Variants in ERBB4 observed in about 807,000 individuals in gnomAD.
The protein encoded by ERBB4 is receptor tyrosine-protein kinase erbB-4.
Under a neutral mutation model 158.0 loss-of-function variants are expected in ERBB4, and 42 were observed. The ratio of observed to expected loss-of-function variants is 0.27; its 90% CI spans 0.21 to 0.34. ERBB4 has a LOEUF of 0.34. ERBB4 is among the 10% of genes least tolerant of loss of function. The pLI is 1.00. For synonymous variants in ERBB4, 583 were observed against 558.7 expected, an observed-to-expected ratio of 1.04 and a Z score of -0.61; for missense variants, 1,333 against 1,624.1, an observed-to-expected ratio of 0.82 and a Z score of 3.08.
chr2:211,572,602 G>C (rs1382604405), intron 19 of ERBB4, among the ~76,000 whole-genome samples: 1 of 152,092 alleles, frequency 6.6e-6, no homozygotes, highest in Non-Finnish European at 1.5e-5. Flanking sequence ...CCTTAGTGAG[G>C]GTCACAGCTG....
intron 12 of ERBB4, among the ~76,000 whole-genome samples, chr2:211,696,311 A>G (rs1350902118): frequency 6.6e-6 from 1 of 151,968 alleles, no homozygotes; most frequent in Non-Finnish European, 1.5e-5. Context: ...GGGTTTCACC[A>G]TATTGGCCAA....
At chr2:212,423,054 G>A (rs1162655880) in intron 1 of ERBB4, among the ~76,000 whole-genome samples, 1 of 152,018 alleles carries the variant, frequency 6.6e-6, no homozygotes, top group South Asian at 2.1e-4. Context: ...AATAACTTGA[G>A]TAAGAGGATA....
At chr2:211,746,006 T>A (rs1352982698) in intron 5 of ERBB4, among the ~76,000 whole-genome samples, 2 of 152,356 alleles carry the variant, frequency 1.3e-5, no homozygotes, top group African/African-American at 4.8e-5. Flanking sequence ...TCTGCTTATA[T>A]TTCCTCAATT....
At chr2:212,313,626 A>G (rs2087144194) in intron 1 of ERBB4, among the ~76,000 whole-genome samples, 1 of 151,036 alleles carries the variant, frequency 6.6e-6, no homozygotes, top group African/African-American at 2.4e-5. Context: ...CCATCTGTGT[A>G]GAAGCACAAT....
chr2:211,842,256 T>G (rs572068877), intron 3 of ERBB4, among the ~76,000 whole-genome samples: 6,929 of 146,962 alleles, frequency 0.047, 269 homozygotes, highest in Non-Finnish European at 0.069. Flanking sequence ...GGCTGTTGGG[T>G]TTTTTTTTGG....
intron 16 of ERBB4, among the ~76,000 whole-genome samples, chr2:211,644,512 C>T (rs988858369): frequency 2.0e-5 from 3 of 151,878 alleles, no homozygotes; most frequent in Non-Finnish European, 4.4e-5. Flanking sequence ...AATGCCAAGA[C>T]AACTTTATAC....
At chr2:211,400,859 T>C (rs1315746222) in intron 25 of ERBB4, among the ~76,000 whole-genome samples, 1 of 152,102 alleles carries the variant, frequency 6.6e-6, no homozygotes, top group Non-Finnish European at 1.5e-5. Flanking sequence ...TTATTAAACA[T>C]TGTATGCCTG....
chr2:211,668,558 T>G (rs1243197364), intron 14 of ERBB4, among the ~76,000 whole-genome samples: 1 of 152,220 alleles, frequency 6.6e-6, no homozygotes, highest in Non-Finnish European at 1.5e-5. Flanking sequence ...GACAGACAAC[T>G]AAAGGATAGG....
intron 3 of ERBB4, among the ~76,000 whole-genome samples, chr2:211,896,011 C>T (rs2079088415): frequency 6.6e-6 from 1 of 152,138 alleles, no homozygotes; most frequent in African/African-American, 2.4e-5. Flanking sequence ...TCCCACCTCT[C>T]TTCCCTACTG....
intron 20 of ERBB4, among the ~76,000 whole-genome samples, chr2:211,551,270 T>G (rs2067089308): frequency 6.6e-6 from 1 of 152,174 alleles, no homozygotes; most frequent in South Asian, 2.1e-4. Flanking sequence ...TGACAATTAA[T>G]CACACTATAT....
intron 25 of ERBB4, among the ~76,000 whole-genome samples, chr2:211,416,422 A>C (rs2063393589): frequency 6.6e-6 from 1 of 152,220 alleles, no homozygotes; most frequent in African/African-American, 2.4e-5. Flanking sequence ...AGAGAAAAGA[A>C]GGCCGCAATG....
At chr2:212,467,832 A>C (rs1338372990) in intron 1 of ERBB4, among the ~76,000 whole-genome samples, 3 of 152,236 alleles carry the variant, frequency 2.0e-5, no homozygotes, top group Non-Finnish European at 2.9e-5. Flanking sequence ...GAAAAACTGC[A>C]GATGCTCAAC....
At chr2:212,039,974 A>G (rs2077099385) in intron 2 of ERBB4, among the ~76,000 whole-genome samples, 1 of 152,122 alleles carries the variant, frequency 6.6e-6, no homozygotes, top group Admixed American at 6.6e-5. Context: ...ATTTATGTGG[A>G]AACTACATAA....
intron 20 of ERBB4, among the ~76,000 whole-genome samples, chr2:211,480,301 C>A (rs1023939367): frequency 4.6e-5 from 7 of 152,132 alleles, no homozygotes; most frequent in Non-Finnish European, 4.4e-5. Context: ...TCTGTCCACA[C>A]CCAAATCTCA....
At position 211,382,947 on chromosome 2, in the gene ERBB4, G is replaced by C. The variant is rs569229342; in HGVS notation, c.*668C>G. ...TAGGGGAGCAAATATAAAGGAATCG[G>C]TCAGAGCAAAACAAAATGAAAAAAA... On this transcript the variant is annotated 3_prime_UTR_variant, in exon 28 of 28. Coordinates refer to ENST00000342788, the MANE Select transcript of ERBB4 (RefSeq NM_005235.3). 104 of 232,376 alleles carry C rather than the reference G, an allele frequency of 4.5e-4. No individual in the cohort carries two copies. Among genetic ancestry groups the C allele is most frequent in the Non-Finnish European group, 8.0e-4 (94 of 117,720 alleles). The allele number at this position is 232,376 out of a possible 1,614,324, so 14.4% of individuals were successfully genotyped here.
chr2:212,453,466 A>G (rs1688109345), intron 1 of ERBB4, among the ~76,000 whole-genome samples: 1 of 152,216 alleles, frequency 6.6e-6, no homozygotes, highest in Non-Finnish European at 1.5e-5. Context: ...CACATGATCA[A>G]CATTGCACTT....
At chr2:212,252,850 T>G (rs1235448404) in intron 1 of ERBB4, among the ~76,000 whole-genome samples, 1 of 152,052 alleles carries the variant, frequency 6.6e-6, no homozygotes, top group African/African-American at 2.4e-5. Context: ...ACATATGTAT[T>G]GTAAAAATTA....
chr2:212,078,551 T>A (rs1015657679), intron 2 of ERBB4, among the ~76,000 whole-genome samples: 2 of 151,940 alleles, frequency 1.3e-5, no homozygotes, highest in Non-Finnish European at 1.5e-5. Flanking sequence ...TCAGCAAGCA[T>A]GTGAATACAC....
chr2:212,191,986 T>C (rs1285964583), intron 1 of ERBB4, among the ~76,000 whole-genome samples: 7 of 83,900 alleles, frequency 8.3e-5, no homozygotes, highest in Middle Eastern at 5.2e-3. Flanking sequence ...ATATATGTTA[T>C]ATGTTATATA....
Sources: allele counts gnomAD v4.1 joint callset (sites outside exome capture counted in the v4.1 genomes callset), GRCh38; gene constraint gnomAD v4.1.1; transcripts MANE v1.5; gene names NCBI Gene and HGNC (gene_info 2026-07-23, HGNC 2026-07-21).